GAS7: variants seen among roughly 807,000 people sequenced by gnomAD.
GAS7 encodes the protein growth arrest specific 7.
In GAS7, 28 loss-of-function variants were observed where a neutral mutation model predicts 71.1. The ratio of observed to expected loss-of-function variants is 0.39; its 90% confidence interval spans 0.29 to 0.54. The LOEUF is 0.54. Among genes scored for constraint, GAS7 ranks in the 20% least tolerant of loss-of-function variants. The pLI is 0.62. For synonymous variants in GAS7, 258 were observed against 245.8 expected, an observed-to-expected ratio of 1.05 and a Z score of -0.46; for missense variants, 436 against 627.8, an observed-to-expected ratio of 0.69 and a Z score of 3.27.
At position 10,110,403 on chromosome 17, in the gene GAS7, AAG is replaced by A. The variant is rs1378508310; in HGVS notation, c.183+87803_183+87804del. Among the ~76,000 whole-genome samples, 4 of 152,274 alleles carry A rather than the reference AAG, an allele frequency of 2.6e-5. No homozygotes were observed. In the East Asian group the frequency reaches 7.7e-4, roughly 29 times the overall value. ...TAGAGGCTAGGAAGGGTGTGTGGGA[AAG>A]AGGGGGGATGAAGAGAGTTTGGTTA... is the stretch of plus-strand genomic sequence containing the variant. On this transcript the variant is annotated intron_variant, in intron 1 of 13. Coordinates refer to ENST00000432992, the MANE Select transcript of GAS7 (RefSeq NM_201433.2).
At chr17:10,176,622 G>A (rs1323747252) in intron 1 of GAS7, among the ~76,000 whole-genome samples, 7 of 152,156 alleles carry the variant, frequency 4.6e-5, no homozygotes, top group Non-Finnish European at 7.3e-5. Context: ...GGAAGGTACC[G>A]TAGTTAAAAC....
chr17:9,945,833 A>C (rs1481473987), intron 6 of GAS7, among the ~76,000 whole-genome samples: 1 of 151,794 alleles, frequency 6.6e-6, no homozygotes, highest in African/African-American at 2.4e-5. Context: ...AAATACAAAA[A>C]ATTAGTTGGG....
intron 1 of GAS7, among the ~76,000 whole-genome samples, chr17:10,095,723 G>A (rs2073634536): frequency 6.6e-6 from 1 of 151,700 alleles, no homozygotes; most frequent in Admixed American, 6.6e-5. Flanking sequence ...GGGAGGCTAA[G>A]GCAGGAGAGT....
chr17:9,968,344 G>A (rs954288751), intron 4 of GAS7, among the ~76,000 whole-genome samples: 7 of 152,128 alleles, frequency 4.6e-5, no homozygotes, highest in South Asian at 2.1e-4. Context: ...CAGCATCAGC[G>A]TCACCTCGGA....
At chr17:9,976,463 C>G (rs1256908344) in intron 3 of GAS7, among the ~76,000 whole-genome samples, 2 of 152,160 alleles carry the variant, frequency 1.3e-5, no homozygotes, top group African/African-American at 4.8e-5. Context: ...GAGAGCTGTC[C>G]CAGGCTTCCT....
intron 1 of GAS7, among the ~76,000 whole-genome samples, chr17:10,102,926 T>G (rs897780884): frequency 4.6e-5 from 7 of 152,166 alleles, no homozygotes; most frequent in African/African-American, 1.7e-4. Flanking sequence ...GGACACATTT[T>G]AGGAAACTGT....
At chr17:9,925,423 T>TG in intron 11 of GAS7, 53 bp downstream of exon 11, 1 of 1,594,450 alleles carries the variant, frequency 6.3e-7, no homozygotes, top group East Asian at 2.2e-5. Context: ...CCTAGCCCCG[T>TG]GCCCTCTCCT....
At chr17:10,005,068 T>TATATATATATAC (rs2071425102) in intron 2 of GAS7, among the ~76,000 whole-genome samples, 1 of 135,628 alleles carries the variant, frequency 7.4e-6, no homozygotes, top group African/African-American at 3.2e-5. Flanking sequence ...TATGTGTGTA[T>TATATATATATAC]GCACGCATAC....
chr17:10,128,746 A>C (rs1192379777), intron 1 of GAS7, among the ~76,000 whole-genome samples: 1 of 150,484 alleles, frequency 6.6e-6, no homozygotes, highest in African/African-American at 2.5e-5. Context: ...CAGCCTCCCG[A>C]GTAGCTGGGA....
chr17:9,947,160 C>G lies in GAS7; in HGVS notation c.526-177G>C, dbSNP rs190208589. Among the ~76,000 whole-genome samples the G allele has an allele frequency of 3.1e-3, 466 of 152,294 alleles. 3 individuals are homozygous for G. Among genetic ancestry groups the G allele is most frequent in the African/African-American group, 0.011 (448 of 41,562 alleles). On this transcript the variant is annotated intron_variant, in intron 5 of 13. Transcript: ENST00000432992. ...ATGAGCGGCAACAGGTGCTCACCCC[C>G]ACCCCAAATGGGCTGTGAACCAGTA...
intron 1 of GAS7, among the ~76,000 whole-genome samples, chr17:10,150,212 T>C (rs959266309): frequency 9.9e-5 from 15 of 152,202 alleles, no homozygotes; most frequent in African/African-American, 3.4e-4. Flanking sequence ...TACCAGGTGA[T>C]GACTCATTCA....
At chr17:9,938,470 CAAAAAAAAAAAA>C (rs34813185) in intron 8 of GAS7, among the ~76,000 whole-genome samples, 2 of 65,176 alleles carry the variant, frequency 3.1e-5, no homozygotes, top group South Asian at 5.5e-4. Context: ...GACTCTGTCT[CAAAAAAAAAAAA>C]AAAAAAAAAA....
chr17:10,139,754 G>A (rs188412458), intron 1 of GAS7, among the ~76,000 whole-genome samples: 112 of 152,314 alleles, frequency 7.4e-4, no homozygotes, highest in African/African-American at 2.5e-3. Flanking sequence ...TGGGAGATAT[G>A]GTGCGGGAAA....
chr17:10,137,425 C>T (rs1221230106), intron 1 of GAS7, among the ~76,000 whole-genome samples: 2 of 151,604 alleles, frequency 1.3e-5, no homozygotes, highest in African/African-American at 4.8e-5. Flanking sequence ...GCTTAGCTGA[C>T]ATGTATATGA....
At chr17:10,133,146 T>C (rs80137715) in intron 1 of GAS7, among the ~76,000 whole-genome samples, 39,918 of 144,130 alleles carry the variant, frequency 0.28, 5,931 homozygotes, top group South Asian at 0.36. Context: ...TTTTTTGAGA[T>C]GGAGTCTCGC....
intron 1 of GAS7, among the ~76,000 whole-genome samples, chr17:10,154,910 G>A (rs907386051): frequency 2.3e-5 from 2 of 85,304 alleles, no homozygotes; most frequent in Non-Finnish European, 4.1e-5. Flanking sequence ...CCCAACCCCA[G>A]GCTACACACA....
At chr17:10,102,204 G>GT (rs1216206119) in intron 1 of GAS7, among the ~76,000 whole-genome samples, 2 of 51,412 alleles carry the variant, frequency 3.9e-5, no homozygotes, top group Non-Finnish European at 3.4e-5. Flanking sequence ...AAGAGTGCCC[G>GT]TAAAAAAAAA....
chr17:10,056,687 C>T (rs960067959), intron 1 of GAS7, among the ~76,000 whole-genome samples: 6 of 152,094 alleles, frequency 3.9e-5, no homozygotes, highest in South Asian at 2.1e-4. Context: ...CTGGCTAACA[C>T]GGTGAAACCC....
intron 1 of GAS7, among the ~76,000 whole-genome samples, chr17:10,129,273 C>T (rs929946357): frequency 1.3e-5 from 2 of 152,164 alleles, no homozygotes; most frequent in South Asian, 2.1e-4. Context: ...ATGGCTTATG[C>T]CTGTAATCCC....
Sources: gnomAD v4.1 joint callset for allele counts (sites outside exome capture counted in the v4.1 genomes callset) on GRCh38, gnomAD v4.1.1 for gene constraint, MANE v1.5 for transcripts, NCBI Gene and HGNC (gene_info 2026-07-23, HGNC 2026-07-21) for gene names.